The following PDS5A variants were observed in gnomAD, a reference collection of about 807,000 sequenced individuals.
The protein encoded by PDS5A is PDS5 cohesin associated factor A.
In PDS5A, 42 loss-of-function variants were observed where a neutral mutation model predicts 167.1. That is an observed-to-expected ratio of 0.25 (90% confidence interval 0.20 to 0.33). The LOEUF (loss-of-function observed/expected upper bound fraction) is 0.33, where lower values mean the gene tolerates loss of function less well. Among genes scored for constraint, PDS5A ranks in the 10% least tolerant of loss-of-function variants. The pLI is 1.00. For synonymous variants in PDS5A, 553 were observed against 554.6 expected (o/e 1.00, Z 0.04); for missense variants, 1,033 against 1,605.9 (o/e 0.64, Z 6.10).
intron 32 of PDS5A, among the ~76,000 whole-genome samples, chr4:39,836,617 T>A (rs1373588444): frequency 2.3e-5 from 1 of 42,760 alleles, no homozygotes; most frequent in African/African-American, 6.4e-5. Context: ...TTTTTTCTAT[T>A]TTTTTTTTTT....
rs777912413 is a variant in PDS5A, at chr4:39,908,539, T to C, written c.1089A>G (p.Glu363=). Residue 363 remains glutamate (E), a splice_region_variant and synonymous_variant, in exon 11 of 33, where the codon GAA becomes GAG. Transcript: ENST00000303538. The part of the protein sequence containing the change: ...NHPDLAKDLT[E]YLKVRSHDPE... ...GATCATGTGATCTAACCTTTAAATA[T>C]TCTGTAATAAGAGAAAAAAAACTTA... 2.6e-5 allele frequency: 40 copies of C among 1,553,904 alleles called. No homozygotes were observed. The highest frequency in any genetic ancestry group is 2.6e-5 in the Non-Finnish European group (29 of 1,136,148).
intron 2 of PDS5A, among the ~76,000 whole-genome samples, chr4:39,930,728 T>C (rs1725982416): frequency 6.6e-6 from 1 of 152,118 alleles, no homozygotes; most frequent in Non-Finnish European, 1.5e-5. Context: ...TCTAACATAG[T>C]ATATCAAAAG....
At chr4:39,850,559 C>A (rs916814880) in intron 26 of PDS5A, among the ~76,000 whole-genome samples, 17 of 152,196 alleles carry the variant, frequency 1.1e-4, no homozygotes, top group African/African-American at 3.9e-4. Flanking sequence ...AATCAACACA[C>A]AGCAGTCTTG....
At chr4:39,935,512 CT>C (rs1447023473) in intron 2 of PDS5A, among the ~76,000 whole-genome samples, 1 of 152,120 alleles carries the variant, frequency 6.6e-6, no homozygotes, top group Non-Finnish European at 1.5e-5. Flanking sequence ...GTGTTCAAGC[CT>C]CATTTCTAGA....
intron 2 of PDS5A, among the ~76,000 whole-genome samples, chr4:39,975,383 A>G (rs535887273): frequency 2.0e-5 from 3 of 152,350 alleles, no homozygotes; most frequent in Admixed American, 1.3e-4. Flanking sequence ...CATTAGGTAC[A>G]TTTACTGGGC....
intron 22 of PDS5A, among the ~76,000 whole-genome samples, chr4:39,867,733 AACAC>A (rs142147688): frequency 0.2 from 26,641 of 130,394 alleles, 3,089 homozygotes; most frequent in Middle Eastern, 0.29. Context: ...AAAAAACCAA[AACAC>A]ACACACACAC....
intron 17 of PDS5A, among the ~76,000 whole-genome samples, chr4:39,880,836 T>G (rs1476122070): frequency 2.0e-5 from 3 of 152,184 alleles, no homozygotes; most frequent in Non-Finnish European, 4.4e-5. Context: ...TTTGAAACTA[T>G]GTTATTGTTA....
At chr4:39,854,172 GC>G (rs1361586824) in intron 26 of PDS5A, among the ~76,000 whole-genome samples, 1 of 152,126 alleles carries the variant, frequency 6.6e-6, no homozygotes, top group Non-Finnish European at 1.5e-5. Context: ...GCATCGTGGT[GC>G]ATGCCTGTAG....
In PDS5A at chr4:39,837,993, A is replaced by G. The variant is rs1275901214; in HGVS notation, c.3873T>C (p.Pro1291=). 6.2e-7 allele frequency: 1 copy of G among 1,613,904 alleles called. No homozygotes were observed. The highest frequency in any genetic ancestry group is 1.7e-5 in the Admixed American group (1 of 60,010). The change falls in exon 32 of 33, where the codon CCT becomes CCC. Residue 1291 remains proline (P), a synonymous_variant. Coordinates refer to ENST00000303538, the MANE Select transcript of PDS5A (RefSeq NM_001100399.2). ...NATKNDDLNK[P]INKGRKRAAV... ...CAGCTCTCTTCCTTCCCTTGTTAAT[A>G]GGTTTATTTAGATCATCATTTTTGG...
intron 2 of PDS5A, among the ~76,000 whole-genome samples, chr4:39,934,380 T>C (rs1326135214): frequency 2.0e-5 from 3 of 152,234 alleles, no homozygotes; most frequent in African/African-American, 7.2e-5. Context: ...GTTTGAAACA[T>C]GACTCTGATT....
At chr4:39,888,321 A>T (rs1185122598) in intron 17 of PDS5A, among the ~76,000 whole-genome samples, 1 of 151,932 alleles carries the variant, frequency 6.6e-6, no homozygotes, top group Non-Finnish European at 1.5e-5. Flanking sequence ...TGTAGAAAAA[A>T]GTGAACCCTC....
intron 30 of PDS5A, 63 bp from the exon 31 acceptor site, chr4:39,842,119 G>T (rs1238713541): frequency 3.9e-6 from 4 of 1,036,822 alleles, no homozygotes; most frequent in African/African-American, 3.2e-5. Context: ...CTCTCTCACC[G>T]TACCAATAAA....
At chr4:39,891,646 CAAA>C (rs1721974402) in intron 16 of PDS5A, among the ~76,000 whole-genome samples, 1 of 149,896 alleles carries the variant, frequency 6.7e-6, no homozygotes, top group Admixed American at 6.7e-5. Context: ...AACTCCATCT[CAAA>C]AGAAACAGAA....
chr4:39,853,766 A>T (rs979827438), intron 26 of PDS5A, among the ~76,000 whole-genome samples: 1 of 152,136 alleles, frequency 6.6e-6, no homozygotes, highest in Non-Finnish European at 1.5e-5. Context: ...CCCAATTCAT[A>T]GCCAATTTTT....
At chr4:39,972,326 C>G (rs921111421) in intron 2 of PDS5A, among the ~76,000 whole-genome samples, 1 of 152,094 alleles carries the variant, frequency 6.6e-6, no homozygotes, top group African/African-American at 2.4e-5. Flanking sequence ...TCGAGACCAG[C>G]CTGACCAACA....
chr4:39,911,571 A>G (rs1414398070), intron 9 of PDS5A, among the ~76,000 whole-genome samples: 1 of 151,790 alleles, frequency 6.6e-6, no homozygotes, highest in Admixed American at 6.6e-5. Flanking sequence ...GGTGGCTCAC[A>G]CCTGCAATCT....
intron 30 of PDS5A, among the ~76,000 whole-genome samples, chr4:39,842,672 C>T (rs189393104): frequency 4.0e-5 from 6 of 151,664 alleles, no homozygotes; most frequent in African/African-American, 7.3e-5. Flanking sequence ...TTTGATGTGA[C>T]GGATATCCTA....
intron 11 of PDS5A, among the ~76,000 whole-genome samples, chr4:39,904,760 C>T (rs1008808464): frequency 5.3e-5 from 8 of 152,164 alleles, no homozygotes; most frequent in Non-Finnish European, 8.8e-5. Context: ...AATTTCTGGG[C>T]TAAAGTGATC....
chr4:39,878,941 C>T (rs577740705), intron 18 of PDS5A, among the ~76,000 whole-genome samples: 234 of 152,074 alleles, frequency 1.5e-3, no homozygotes, highest in Non-Finnish European at 2.8e-3. Flanking sequence ...ACGGGGTTTC[C>T]CCATGTTGGC....
Sources: allele counts gnomAD v4.1 joint callset (sites outside exome capture counted in the v4.1 genomes callset), GRCh38; gene constraint gnomAD v4.1.1; transcripts MANE v1.5; gene names NCBI Gene and HGNC (gene_info 2026-07-23, HGNC 2026-07-21).